SDK1: variants seen among roughly 807,000 people sequenced by gnomAD.
SDK1 encodes the protein protein sidekick-1.
Under a neutral mutation model 245.5 loss-of-function variants are expected in SDK1, and 157 were observed. That is an observed-to-expected ratio of 0.64 (90% confidence interval 0.56 to 0.73). SDK1 has a LOEUF of 0.73. Among genes scored for constraint, SDK1 ranks in the 30% least tolerant of loss-of-function variants. The probability of loss-of-function intolerance (pLI) is 0.00; values close to 1 mark genes in which losing one functional copy is unlikely to be tolerated. For synonymous variants in SDK1, 1,647 were observed against 1,278.5 expected (o/e 1.29, Z -6.15); for missense variants, 3,583 against 3,002.3 (o/e 1.19, Z -4.52).
At chr7:3,344,426 GACTT>G (rs890757942) in intron 1 of SDK1, among the ~76,000 whole-genome samples, 5 of 152,040 alleles carry the variant, frequency 3.3e-5, no homozygotes, top group Admixed American at 6.6e-5. Flanking sequence ...AGAAAATTCC[GACTT>G]ACTTAAGTAG....
At chr7:4,073,159 G>A (rs1562767400) in intron 20 of SDK1, among the ~76,000 whole-genome samples, 1 of 152,198 alleles carries the variant, frequency 6.6e-6, no homozygotes, top group Non-Finnish European at 1.5e-5. Flanking sequence ...CTGGCTCCGG[G>A]CGCCTCTCTC....
intron 1 of SDK1, among the ~76,000 whole-genome samples, chr7:3,611,557 A>T (rs1781589803): frequency 6.6e-6 from 1 of 152,140 alleles, no homozygotes; most frequent in Non-Finnish European, 1.5e-5. Flanking sequence ...CTCTGGGTAG[A>T]TACCCAGGAG....
At chr7:3,955,456 A>T (rs1229880836) in intron 7 of SDK1, among the ~76,000 whole-genome samples, 7 of 152,170 alleles carry the variant, frequency 4.6e-5, no homozygotes, top group Non-Finnish European at 8.8e-5. Context: ...TTAAGGTGGG[A>T]TACCTAATCC....
chr7:3,466,979 TACACACACACACACACACA>T (rs1259249393), intron 1 of SDK1, among the ~76,000 whole-genome samples: 1 of 127,544 alleles, frequency 7.8e-6, no homozygotes, highest in Non-Finnish European at 1.6e-5. Context: ...TCTCTCTCTC[TACACACACACACACACACA>T]CACACACACA....
chr7:4,212,561 T>C (rs2128228773), intron 38 of SDK1, among the ~76,000 whole-genome samples: 1 of 152,332 alleles, frequency 6.6e-6, no homozygotes, highest in Middle Eastern at 3.4e-3. Flanking sequence ...GGCCAGGATC[T>C]GTTGTGACCT....
At chr7:3,477,503 T>A (rs1274650552) in intron 1 of SDK1, among the ~76,000 whole-genome samples, 4 of 150,950 alleles carry the variant, frequency 2.6e-5, no homozygotes, top group African/African-American at 9.7e-5. Context: ...ATGGTTTTGT[T>A]TCTTTCTTTT....
chr7:4,195,918 C>A (rs530365621), intron 35 of SDK1, among the ~76,000 whole-genome samples: 31 of 152,254 alleles, frequency 2.0e-4, no homozygotes, highest in African/African-American at 6.7e-4. Flanking sequence ...ATGACAGAAA[C>A]CCCAGCCTCA....
intron 1 of SDK1, among the ~76,000 whole-genome samples, chr7:3,340,891 C>T (rs1780330784): frequency 6.6e-6 from 1 of 151,870 alleles, no homozygotes; most frequent in Admixed American, 6.6e-5. Context: ...AAGAAAAAAT[C>T]TCTGGGTCCA....
intron 4 of SDK1, among the ~76,000 whole-genome samples, chr7:3,817,027 A>G (rs555559006): frequency 1.3e-5 from 2 of 152,330 alleles, no homozygotes; most frequent in Admixed American, 6.5e-5. Flanking sequence ...CAAAGTTATT[A>G]TTTTACTAAA....
In SDK1 at chr7:3,435,002, A is replaced by G. The variant is rs537676824; in HGVS notation, c.298+133118A>G. Among the ~76,000 whole-genome samples the G allele has an allele frequency of 9.2e-5, 14 of 152,310 alleles. No homozygotes were observed. The South Asian group carries it at 2.3e-3, about 25-fold the overall frequency. ...TTTTGAATACTTTTCCTAACTGTCA[A>G]ATCTCCGTCTGGATCCCATTAATAA... On this transcript the variant is annotated intron_variant, in intron 1 of 44. Transcript: ENST00000404826.
intron 19 of SDK1, among the ~76,000 whole-genome samples, chr7:4,056,302 G>T (rs977890842): frequency 6.6e-6 from 1 of 152,088 alleles, no homozygotes; most frequent in African/African-American, 2.4e-5. Flanking sequence ...CCTCTGGGGG[G>T]TGTAGCTTTT....
chr7:3,468,384 C>T (rs535791327), intron 1 of SDK1, among the ~76,000 whole-genome samples: 1 of 152,160 alleles, frequency 6.6e-6, no homozygotes, highest in East Asian at 1.9e-4. Flanking sequence ...CTGACCTTCT[C>T]CTGCCCTCCT....
At chr7:3,521,972 G>A (rs1782953489) in intron 1 of SDK1, among the ~76,000 whole-genome samples, 1 of 151,922 alleles carries the variant, frequency 6.6e-6, no homozygotes, top group Admixed American at 6.6e-5. Flanking sequence ...TGGAGAAGAT[G>A]GAGTTAGCCA....
At chr7:3,817,763 CTT>C (rs1477358459) in intron 4 of SDK1, among the ~76,000 whole-genome samples, 1 of 152,234 alleles carries the variant, frequency 6.6e-6, no homozygotes, top group Non-Finnish European at 1.5e-5. Context: ...TAGCTACTCT[CTT>C]CCTCGGATTT....
intron 4 of SDK1, among the ~76,000 whole-genome samples, chr7:3,813,958 T>G (rs1462654308): frequency 1.5e-5 from 2 of 131,656 alleles, no homozygotes; most frequent in African/African-American, 3.1e-5. Flanking sequence ...TTGATGGGGT[T>G]GTTTGTTTTT....
At chr7:3,702,773 G>T (rs1452095864) in intron 4 of SDK1, among the ~76,000 whole-genome samples, 1 of 152,150 alleles carries the variant, frequency 6.6e-6, no homozygotes, top group Admixed American at 6.5e-5. Context: ...TTCAAGTTCA[G>T]CATTTTTACT....
intron 1 of SDK1, among the ~76,000 whole-genome samples, chr7:3,367,740 A>C (rs1781128038): frequency 6.6e-6 from 1 of 152,222 alleles, no homozygotes; most frequent in Non-Finnish European, 1.5e-5. Flanking sequence ...AGTTACTCAA[A>C]TTCCAGTTGC....
chr7:3,827,537 C>T (rs1043544937), intron 5 of SDK1, among the ~76,000 whole-genome samples: 3 of 152,202 alleles, frequency 2.0e-5, no homozygotes, highest in Admixed American at 6.5e-5. Flanking sequence ...TTTTATAAAT[C>T]AGGTGTTTTC....
At chr7:3,765,194 T>C (rs937623583) in intron 4 of SDK1, among the ~76,000 whole-genome samples, 3 of 152,186 alleles carry the variant, frequency 2.0e-5, no homozygotes, top group Non-Finnish European at 2.9e-5. Context: ...AAAAAAAATC[T>C]AGTGCTTATT....
Sources: gnomAD v4.1 joint callset for allele counts (sites outside exome capture counted in the v4.1 genomes callset) on GRCh38, gnomAD v4.1.1 for gene constraint, MANE v1.5 for transcripts, NCBI Gene and HGNC (gene_info 2026-07-23, HGNC 2026-07-21) for gene names.